The following HTR2C variants were observed in gnomAD, a reference collection of about 807,000 sequenced individuals.
HTR2C encodes 5-hydroxytryptamine (serotonin) receptor 2C, G protein-coupled.
Under a neutral mutation model 21.0 loss-of-function variants are expected in HTR2C, and 5 were observed. That is an observed-to-expected ratio of 0.24 (90% CI 0.12 to 0.50). The LOEUF is 0.50. Among genes scored for constraint, HTR2C ranks in the 20% least tolerant of loss-of-function variants. The pLI is 0.98. For synonymous variants in HTR2C, 150 were observed against 145.3 expected (o/e 1.03, Z -0.23); for missense variants, 271 against 371.2 (o/e 0.73, Z 2.22).
chrX:114,720,663 C>T (rs148603097), intron 2 of HTR2C, among the ~76,000 whole-genome samples: 2 of 47,929 alleles, frequency 4.2e-5, no homozygotes, highest in Non-Finnish European at 7.1e-5. Context: ...CTATCCCTCC[C>T]CCCTCCCCCG....
At chrX:114,905,299 C>A (rs1426494817) in intron 5 of HTR2C, among the ~76,000 whole-genome samples, 3 of 111,950 alleles carry the variant, frequency 2.7e-5, no homozygotes, top group Admixed American at 1.9e-4. Flanking sequence ...AGGAAGAAGA[C>A]TTAAAGATCA....
chrX:114,648,693 G>A (rs185424242), intron 2 of HTR2C, among the ~76,000 whole-genome samples: 16 of 111,676 alleles, frequency 1.4e-4, no homozygotes, highest in African/African-American at 4.2e-4. Flanking sequence ...GTGCCACTGC[G>A]CTCCAACCTG....
chrX:114,600,907 C>G (rs782580057), intron 1 of HTR2C, among the ~76,000 whole-genome samples: 6 of 111,564 alleles, frequency 5.4e-5, no homozygotes, highest in African/African-American at 9.7e-5. Flanking sequence ...AACTTCAGAT[C>G]GACAATATAT....
chrX:114,806,850 A>G (rs1318962724), intron 4 of HTR2C, among the ~76,000 whole-genome samples: 3 of 101,526 alleles, frequency 3.0e-5, no homozygotes, highest in African/African-American at 1.1e-4. Flanking sequence ...TATACACCAT[A>G]TATATACCGT....
At chrX:114,890,254 C>A (rs1556482570) in intron 5 of HTR2C, among the ~76,000 whole-genome samples, 1 of 111,886 alleles carries the variant, frequency 8.9e-6, no homozygotes, top group African/African-American at 3.2e-5. Flanking sequence ...AATATAGGAA[C>A]TTTGAAAACG....
intron 2 of HTR2C, among the ~76,000 whole-genome samples, chrX:114,660,911 GTATTC>G (rs1478723010): frequency 6.2e-5 from 7 of 112,039 alleles, no homozygotes; most frequent in Non-Finnish European, 1.1e-4. Flanking sequence ...CCAAAGTTGT[GTATTC>G]TATTTAAGAT....
chrX:114,773,956 G>T (rs1316601481), intron 4 of HTR2C, among the ~76,000 whole-genome samples: 1 of 111,606 alleles, frequency 9.0e-6, no homozygotes, highest in Non-Finnish European at 1.9e-5. Context: ...AAGCCACTAG[G>T]ATAGAGATGT....
chrX:114,600,979 T>A (rs1928061651), intron 1 of HTR2C, among the ~76,000 whole-genome samples: 1 of 111,644 alleles, frequency 9.0e-6, no homozygotes, highest in African/African-American at 3.2e-5. Context: ...GTTTAGTAAA[T>A]ATTATGACTT....
chrX:114,709,957 T>TGA (rs1478722291), intron 2 of HTR2C, among the ~76,000 whole-genome samples: 2 of 111,799 alleles, frequency 1.8e-5, no homozygotes, highest in African/African-American at 6.5e-5. Flanking sequence ...CATAAACTAG[T>TGA]GAGACACTGA....
chrX:114,666,061 A>C (rs782558445), intron 2 of HTR2C, among the ~76,000 whole-genome samples: 1 of 111,921 alleles, frequency 8.9e-6, no homozygotes, highest in African/African-American at 3.2e-5. Flanking sequence ...CCTCTCTTCC[A>C]TCTTTATCAT....
chrX:114,655,922 A>G (rs1930765552), intron 2 of HTR2C, among the ~76,000 whole-genome samples: 1 of 111,014 alleles, frequency 9.0e-6, no homozygotes, highest in South Asian at 3.8e-4. Flanking sequence ...TATGCATTTA[A>G]TTTTTGCTTG....
intron 2 of HTR2C, among the ~76,000 whole-genome samples, chrX:114,707,272 C>G (rs782492096): frequency 9.0e-5 from 10 of 111,096 alleles, no homozygotes; most frequent in Non-Finnish European, 1.9e-5. Flanking sequence ...TAGATTAAAT[C>G]AGGCTGGGCA....
At chrX:114,627,565 G>A (rs1043081956) in intron 2 of HTR2C, among the ~76,000 whole-genome samples, 7 of 111,185 alleles carry the variant, frequency 6.3e-5, no homozygotes, top group African/African-American at 2.0e-4. Context: ...GTTTATACAT[G>A]TACAAAGAGG....
chrX:114,632,919 G>GT (rs1210355779), intron 2 of HTR2C, among the ~76,000 whole-genome samples: 1 of 111,122 alleles, frequency 9.0e-6, no homozygotes, highest in Non-Finnish European at 1.9e-5. Flanking sequence ...TATAATGATA[G>GT]TTTTATTATT....
chrX:114,781,665 T>G (rs2147401526), intron 4 of HTR2C, among the ~76,000 whole-genome samples: 1 of 109,704 alleles, frequency 9.1e-6, no homozygotes, highest in East Asian at 2.9e-4. Context: ...CACACCCAGT[T>G]AATTTTTAAA....
chrX:114,680,840 A>C (rs1931722438), intron 2 of HTR2C, among the ~76,000 whole-genome samples: 2 of 111,457 alleles, frequency 1.8e-5, no homozygotes, highest in African/African-American at 6.5e-5. Context: ...GCTTGTGTAG[A>C]GACTTTATTT....
At chrX:114,874,662 C>T (rs1359205224) in intron 5 of HTR2C, among the ~76,000 whole-genome samples, 3 of 110,425 alleles carry the variant, frequency 2.7e-5, no homozygotes, top group African/African-American at 9.9e-5. Context: ...ATGTGCACCA[C>T]CATGCCCGGC....
intron 2 of HTR2C, among the ~76,000 whole-genome samples, chrX:114,615,557 C>T (rs1556399943): frequency 8.9e-6 from 1 of 111,849 alleles, no homozygotes; most frequent in African/African-American, 3.3e-5. Flanking sequence ...TTTCTACTCT[C>T]AGGCTTCAAA....
In HTR2C at chrX:114,730,986, G is replaced by A. The variant is rs980928473; in HGVS notation, c.36-308G>A. Among the ~76,000 whole-genome samples, 5 of 111,402 alleles carry A rather than the reference G, an allele frequency of 4.5e-5. No individual in the cohort carries two copies. The Admixed American group carries it at 4.8e-4, about 11-fold the overall frequency. On this transcript the variant is annotated intron_variant, in intron 3 of 5. Transcript: ENST00000276198. ...AACTTTACTCAGTCTTCTCATCTAC[G>A]TGATGGATATAAATTAGAACTGACA... is the stretch of plus-strand genomic sequence containing the variant.
Sources: gnomAD v4.1 joint callset for allele counts (sites outside exome capture counted in the v4.1 genomes callset) on GRCh38, gnomAD v4.1.1 for gene constraint, MANE v1.5 for transcripts, NCBI Gene and HGNC (gene_info 2026-07-23, HGNC 2026-07-21) for gene names.